The following SLC22A16 variants were observed in gnomAD, a reference collection of about 807,000 sequenced individuals.
SLC22A16 encodes WUGSC:RG331P03.1.
Under a neutral mutation model 52.9 loss-of-function variants are expected in SLC22A16, and 53 were observed. The ratio of observed to expected loss-of-function variants is 1.00; its 90% CI spans 0.80 to 1.26. The LOEUF is 1.26. Ranked by LOEUF, SLC22A16 falls within the 50% of genes most tolerant of loss-of-function variation. The probability of loss-of-function intolerance (pLI) is 0.00; values close to 1 mark genes in which losing one functional copy is unlikely to be tolerated. For synonymous variants in SLC22A16, 291 were observed against 268.8 expected, an observed-to-expected ratio of 1.08 and a Z score of -0.81; for missense variants, 726 against 704.0, an observed-to-expected ratio of 1.03 and a Z score of -0.35.
rs113908441 is a variant in SLC22A16, at chr6:110,429,426, G to A, written c.1521+1745C>T. On this transcript the variant is annotated intron_variant, in intron 7 of 7. Coordinates refer to ENST00000368919, the MANE Select transcript of SLC22A16 (RefSeq NM_033125.4). ...TGCTGTGTGTACAAGGCAACTCCAG[G>A]GGATACCAAGCACTGTTTTATTACT... is the stretch of plus-strand genomic sequence containing the variant. 1.0e-3 allele frequency among the ~76,000 whole-genome samples: 153 copies of A among 152,264 alleles called. 1 individual carries two copies. The highest frequency in any genetic ancestry group is 6.8e-3 in the Middle Eastern group (2 of 292).
intron 1 of SLC22A16, chr6:110,475,041 T>C: frequency 1.9e-6 from 1 of 512,900 alleles, no homozygotes; most frequent in South Asian, 1.4e-5. Flanking sequence ...ATTTTACAGA[T>C]AAGAAAGTGG....
chr6:110,453,143 G>A, intron 2 of SLC22A16, among the ~76,000 whole-genome samples: 1 of 152,092 alleles, frequency 6.6e-6, no homozygotes, highest in Non-Finnish European at 1.5e-5. Context: ...TCAATTTTAT[G>A]TCAGTTTTAA....
At chr6:110,449,783 C>G (rs1212475913) in intron 2 of SLC22A16, among the ~76,000 whole-genome samples, 1 of 152,198 alleles carries the variant, frequency 6.6e-6, no homozygotes, top group Non-Finnish European at 1.5e-5. Flanking sequence ...TCACTCAAGT[C>G]TTCACCATTT....
At chr6:110,455,183 TCTGA>T (rs1227395786) in intron 2 of SLC22A16, among the ~76,000 whole-genome samples, 3 of 150,476 alleles carry the variant, frequency 2.0e-5, no homozygotes, top group Non-Finnish European at 4.4e-5. Flanking sequence ...TATTTTGTAC[TCTGA>T]CTGTGTTATA....
chr6:110,426,966 C>G (rs1366269035), intron 7 of SLC22A16, among the ~76,000 whole-genome samples: 3 of 151,072 alleles, frequency 2.0e-5, no homozygotes, highest in African/African-American at 7.3e-5. Flanking sequence ...AAAAACTTCT[C>G]AAAGACTGGG....
Position 110,442,385 on chromosome 6 carries a change from A to G in SLC22A16, c.1042T>C (p.Tyr348His). The G allele has an allele frequency of 6.2e-7, 1 of 1,614,244 alleles. No individual in the cohort carries two copies. ...GTAATGCTCCAGTTATAAAACAGATATGATAGGTTGTGCTTCTGAACTTCA... is the reference window on the plus strand; with the variant it reads ...GTAATGCTCCAGTTATAAAACAGATGTGATAGGTTGTGCTTCTGAACTTCA... ...PTEVQKHNLS[Y>H]LFYNWSITKR... The change falls in exon 4 of 8, where the codon TAT becomes CAT. Residue 348 changes from tyrosine (Y) to histidine (H), a missense_variant. Transcript: ENST00000368919.
intron 4 of SLC22A16, among the ~76,000 whole-genome samples, chr6:110,441,442 G>T (rs1333386550): frequency 6.6e-6 from 1 of 152,182 alleles, no homozygotes; most frequent in Non-Finnish European, 1.5e-5. Flanking sequence ...ACGGTTTTAC[G>T]AGTCTGATCC....
chr6:110,425,275 T>A (rs79997698), intron 7 of SLC22A16, 190 bp from the exon 8 acceptor site: 57,141 of 1,512,990 alleles, frequency 0.038, 1,336 homozygotes, highest in African/African-American at 0.088. Context: ...ATCAACGAGG[T>A]TTAATCTCAT....
intron 1 of SLC22A16, among the ~76,000 whole-genome samples, chr6:110,462,545 C>T (rs1360081385): frequency 3.9e-4 from 59 of 151,854 alleles, no homozygotes; most frequent in Admixed American, 3.8e-3. Context: ...AGCTTGAAGA[C>T]CAATCTTTCT....
At chr6:110,469,070 C>A (rs1192112993) in intron 1 of SLC22A16, among the ~76,000 whole-genome samples, 3 of 152,190 alleles carry the variant, frequency 2.0e-5, no homozygotes, top group African/African-American at 7.2e-5. Flanking sequence ...TAAGAGACTC[C>A]TTGACCCTAC....
intron 1 of SLC22A16, among the ~76,000 whole-genome samples, chr6:110,469,085 C>A (rs1261924815): frequency 1.3e-5 from 2 of 152,202 alleles, no homozygotes; most frequent in East Asian, 3.9e-4. Flanking sequence ...CCCTACAGTG[C>A]CATCCAGTCT....
intron 1 of SLC22A16, among the ~76,000 whole-genome samples, chr6:110,472,422 A>T (rs1582597675): frequency 6.6e-6 from 1 of 151,994 alleles, no homozygotes; most frequent in East Asian, 1.9e-4. Context: ...CAAACTTCTG[A>T]TACCCAAACT....
At chr6:110,451,047 A>G (rs1004775632) in intron 2 of SLC22A16, among the ~76,000 whole-genome samples, 1 of 152,232 alleles carries the variant, frequency 6.6e-6, no homozygotes, top group African/African-American at 2.4e-5. Flanking sequence ...TAAATTTTCT[A>G]TAACAGGACA....
intron 7 of SLC22A16, among the ~76,000 whole-genome samples, chr6:110,427,405 T>C (rs75575455): frequency 0.023 from 3,479 of 152,248 alleles, 134 homozygotes; most frequent in African/African-American, 0.078. Flanking sequence ...TCAGAGTCCT[T>C]TTCTGTAAAA....
intron 1 of SLC22A16, among the ~76,000 whole-genome samples, chr6:110,459,944 C>T (rs534465957): frequency 2.6e-5 from 4 of 152,272 alleles, no homozygotes; most frequent in African/African-American, 9.6e-5. Context: ...GATTACCCCA[C>T]AAAATTCCAA....
At chr6:110,438,970 A>C in intron 4 of SLC22A16, 123 bp from the exon 5 acceptor site, 1 of 1,243,794 alleles carries the variant, frequency 8.0e-7, no homozygotes, top group Non-Finnish European at 1.1e-6. Context: ...GGCCTTTAGA[A>C]ACTCTCTAAG....
chr6:110,438,705 C>T lies in SLC22A16; in HGVS notation c.1311+15G>A. The T allele has an allele frequency of 6.2e-7, 1 of 1,606,124 alleles. No individual in the cohort carries two copies. Among genetic ancestry groups the T allele is most frequent in the Non-Finnish European group, 8.5e-7 (1 of 1,177,000 alleles). On this transcript the variant is annotated intron_variant, in intron 5 of 7. Coordinates refer to ENST00000368919, the MANE Select transcript of SLC22A16 (RefSeq NM_033125.4). ...CACAGTATAACTGTCTTATAAAAAA[C>T]AGAAGATAACTCACCTGGGGGATCA...
chr6:110,439,420 CA>C (rs1161903872), intron 4 of SLC22A16, among the ~76,000 whole-genome samples: 1 of 152,186 alleles, frequency 6.6e-6, no homozygotes, highest in Non-Finnish European at 1.5e-5. Context: ...AGGGATACTG[CA>C]CCATCTCAAA....
At chr6:110,476,468 A>G (rs1776484441) in intron 1 of SLC22A16, 54 bp downstream of exon 1, 3 of 1,472,914 alleles carry the variant, frequency 2.0e-6, no homozygotes, top group Non-Finnish European at 2.7e-6. Context: ...ACGGAAAGAA[A>G]CAGACCCCTC....
Sources: gnomAD v4.1 joint callset for allele counts (sites outside exome capture counted in the v4.1 genomes callset) on GRCh38, gnomAD v4.1.1 for gene constraint, MANE v1.5 for transcripts, NCBI Gene and HGNC (gene_info 2026-07-23, HGNC 2026-07-21) for gene names.